RRM2: variants seen among roughly 807,000 people sequenced by gnomAD.
RRM2 encodes the protein ribonucleotide reductase regulatory subunit M2.
In RRM2, 6 loss-of-function variants were observed where a neutral mutation model predicts 45.9. The ratio of observed to expected loss-of-function variants is 0.13; its 90% CI spans 0.07 to 0.26. The LOEUF (loss-of-function observed/expected upper bound fraction) is 0.26, where lower values mean the gene tolerates loss of function less well. RRM2 is among the 10% of genes least tolerant of loss of function. The pLI is 1.00. For synonymous variants in RRM2, 177 were observed against 173.0 expected, an observed-to-expected ratio of 1.02 and a Z score of -0.18; for missense variants, 343 against 489.5, an observed-to-expected ratio of 0.70 and a Z score of 2.82.
At chr2:10,209,113 A>G (rs1301123348) in intron 3 of RRM2, among the ~76,000 whole-genome samples, 1 of 146,010 alleles carries the variant, frequency 6.8e-6, no homozygotes, top group Non-Finnish European at 1.5e-5. Flanking sequence ...CCTGGAGTGC[A>G]ATGGTGCAAT....
intron 3 of RRM2, among the ~76,000 whole-genome samples, chr2:10,160,669 C>T (rs1663536560): frequency 6.6e-6 from 1 of 152,220 alleles, no homozygotes; most frequent in East Asian, 1.9e-4. Flanking sequence ...GTGCAGACCA[C>T]CCCCGCCTGC....
chr2:10,194,406 A>G (rs1664370097), intron 3 of RRM2, among the ~76,000 whole-genome samples: 1 of 152,216 alleles, frequency 6.6e-6, no homozygotes, highest in Non-Finnish European at 1.5e-5. Context: ...CATCTGTGAC[A>G]CAGAAATGAC....
intron 3 of RRM2, among the ~76,000 whole-genome samples, chr2:10,150,771 G>GTTTTTTTTTTTTTTTT (rs61292654): frequency 1.1e-5 from 1 of 92,872 alleles, no homozygotes; most frequent in Non-Finnish European, 2.1e-5. Context: ...AGTGTGTTGT[G>GTTTTTTTTTTTTTTTT]TTTTTTTTTT....
chr2:10,168,609 G>T (rs1663729209), intron 3 of RRM2, among the ~76,000 whole-genome samples: 2 of 152,136 alleles, frequency 1.3e-5, no homozygotes, highest in Non-Finnish European at 2.9e-5. Flanking sequence ...GGTTGGGGTG[G>T]GTCTCACACC....
chr2:10,194,591 A>T (rs1664375067), intron 3 of RRM2, among the ~76,000 whole-genome samples: 1 of 151,974 alleles, frequency 6.6e-6, no homozygotes. Context: ...CATTTCCCCA[A>T]CCACCGGTGG....
intron 3 of RRM2, chr2:10,198,630 T>C (rs752695289): frequency 6.6e-6 from 1 of 152,252 alleles, no homozygotes; most frequent in Non-Finnish European, 1.5e-5. Flanking sequence ...GGTCTTGAAC[T>C]CCTGAGTGTA....
intron 3 of RRM2, among the ~76,000 whole-genome samples, chr2:10,165,360 G>A (rs1663655966): frequency 6.6e-6 from 1 of 152,198 alleles, no homozygotes; most frequent in Non-Finnish European, 1.5e-5. Context: ...TTTCAGCCAG[G>A]AGAGGGACTG....
At chr2:10,138,767 T>A (rs998925214), upstream of RRM2, among the ~76,000 whole-genome samples, 3 of 152,202 alleles carry the variant, frequency 2.0e-5, no homozygotes, top group African/African-American at 7.2e-5. Context: ...AGTGAAGTGC[T>A]TTCATAAGCA....
In RRM2 at chr2:10,169,913, T is replaced by C. The variant is rs1663762188; in HGVS notation, n.482+27538T>C. Among the ~76,000 whole-genome samples, 1 of 152,190 alleles carries C rather than the reference T, an allele frequency of 6.6e-6. No homozygotes were observed. The highest frequency in any genetic ancestry group is 2.4e-5 in the African/African-American group (1 of 41,456). Reference sequence around the variant, plus strand: ...CAGGTTTTCCTAGTTCCTGAGGGCCTGGGAGGCCTTGGCTGGCATCCCGTT... The same window carrying C: ...CAGGTTTTCCTAGTTCCTGAGGGCCCGGGAGGCCTTGGCTGGCATCCCGTT... On this transcript the variant is annotated intron_variant and non_coding_transcript_variant, in intron 3 of 3. Transcript: ENST00000381786. This position sits in a 1 kb window ranked among gnomAD's most constrained non-coding sequence, Gnocchi z 5.1.
chr2:10,177,741 CTT>C (rs1663953644), intron 3 of RRM2, among the ~76,000 whole-genome samples: 1 of 141,466 alleles, frequency 7.1e-6, no homozygotes, highest in Non-Finnish European at 1.5e-5. Context: ...CTCTCTCTTT[CTT>C]TCTTTCTAGC....
In RRM2 at chr2:10,129,417, ATT is replaced by A; in HGVS notation, c.*40_*41del. 6.7e-7 allele frequency: 1 copy of A among 1,495,082 alleles called. No individual in the cohort carries two copies. The highest frequency in any genetic ancestry group is 2.1e-5 in the Admixed American group (1 of 46,678). The allele number at this position is 1,495,082 out of a possible 1,614,324, so 92.6% of individuals were successfully genotyped here. ...CTGAAGATGTGCCCTTACTTGGCTG[ATT>A]TTTTTTTTCCATCTCATAAGAAAAA... On this transcript the variant is annotated 3_prime_UTR_variant, in exon 10 of 10. Transcript: ENST00000304567. This position sits in a 1 kb window ranked among gnomAD's most constrained non-coding sequence, Gnocchi z 4.8.
intron 3 of RRM2, among the ~76,000 whole-genome samples, chr2:10,159,498 C>T (rs1269741637): frequency 3.3e-5 from 5 of 152,168 alleles, no homozygotes; most frequent in African/African-American, 1.2e-4. Flanking sequence ...TGAATTTGAC[C>T]CCTGGGCCCA....
Position 10,122,843 on chromosome 2 carries a change from G to T in RRM2, c.45G>T (p.Gln15His). 1 of 1,601,870 alleles carries T rather than the reference G, an allele frequency of 6.2e-7. No homozygotes were observed. The highest frequency in any genetic ancestry group is 1.7e-5 in the Admixed American group (1 of 58,420). ...CGCTCGCGCCCATCACGGACCCGCA[G>T]CAGCTGCAGCTCTCGCCGCTGAAGG... ...RVPLAPITDP[Q>H]QLQLSPLKGL... Residue 15 changes from glutamine (Q) to histidine (H), a missense_variant, in exon 1 of 10, where the codon CAG becomes CAT. This residue lies in a region of RRM2 where 131 missense variants were observed against 121.4 expected (regional missense o/e 1.08). Transcript: ENST00000304567.
At position 10,172,878 on chromosome 2, in the gene RRM2, T is replaced by A. The variant is rs1206406651; in HGVS notation, n.482+30503T>A. Among the ~76,000 whole-genome samples, 1 of 152,240 alleles carries A rather than the reference T, an allele frequency of 6.6e-6. No homozygotes were observed. The highest frequency in any genetic ancestry group is 1.5e-5 in the Non-Finnish European group (1 of 68,040). The stretch of plus-strand genomic sequence containing the variant: ...GCCCGGTGTGACCACACGGATCCCA[T>A]ACCGGTGATGCCAACCCCCTGAGTC... On this transcript the variant is annotated intron_variant and non_coding_transcript_variant, in intron 3 of 3. Transcript: ENST00000381786. The surrounding 1 kb of genome is among the most constrained non-coding windows in gnomAD (Gnocchi z 4.9).
At position 10,159,632 on chromosome 2, in the gene RRM2, G is replaced by A. The variant is rs577706350; in HGVS notation, n.482+17257G>A. On this transcript the variant is annotated intron_variant and non_coding_transcript_variant, in intron 3 of 3. Transcript: ENST00000381786. Reference sequence around the variant, plus strand: ...ACTCCAGGATGACTGAGGTTTAGGCGTCACTGGGTTGAAACGGTTAAAGAG... The same window carrying A: ...ACTCCAGGATGACTGAGGTTTAGGCATCACTGGGTTGAAACGGTTAAAGAG... Among the ~76,000 whole-genome samples the A allele has an allele frequency of 7.2e-5, 11 of 152,350 alleles. No individual in the cohort carries two copies. In the South Asian group the frequency reaches 8.3e-4, roughly 11 times the overall value.
rs995566108 is a variant in RRM2 at position 10,205,864 on chromosome 2, G to A, written n.483-4447G>A. Among the ~76,000 whole-genome samples the A allele has an allele frequency of 6.6e-6, 1 of 151,882 alleles. No homozygotes were observed. Among genetic ancestry groups the A allele is most frequent in the South Asian group, 2.1e-4 (1 of 4,816 alleles). ...CTGCCACCACCCCTGGATAATTTTT[G>A]TATTTTTAGTGGAGACGAGGTTTTC... is the stretch of plus-strand genomic sequence containing the variant. On this transcript the variant is annotated intron_variant and non_coding_transcript_variant, in intron 3 of 3. Coordinates refer to the RRM2 transcript ENST00000381786. This position sits in a 1 kb window ranked among gnomAD's most constrained non-coding sequence, Gnocchi z 4.8.
At chr2:10,199,157 G>A (rs571215299) in intron 3 of RRM2, 9 of 151,238 alleles carry the variant, frequency 6.0e-5, no homozygotes, top group Admixed American at 2.6e-4. Context: ...GGAAGAGGTC[G>A]ATTTGTTCTG....
chr2:10,206,899 G>A (rs148948092), intron 3 of RRM2, among the ~76,000 whole-genome samples: 73 of 152,226 alleles, frequency 4.8e-4, no homozygotes, highest in Non-Finnish European at 9.1e-4. Context: ...ATTCTTGAAG[G>A]ATGAGGGCAA....
intron 3 of RRM2, among the ~76,000 whole-genome samples, chr2:10,193,658 C>A (rs1475198970): frequency 6.6e-6 from 1 of 152,212 alleles, no homozygotes; most frequent in African/African-American, 2.4e-5. Context: ...CTCCTGGGCA[C>A]CTGTCAGTCA....
Sources: gnomAD v4.1 joint callset for allele counts (sites outside exome capture counted in the v4.1 genomes callset) on GRCh38, gnomAD v4.1.1 for gene constraint, gnomAD v4.1.1 regional missense constraint, Gnocchi (gnomAD v3.1) non-coding constraint, MANE v1.5 for transcripts, NCBI Gene and HGNC (gene_info 2026-07-23, HGNC 2026-07-21) for gene names.